DRC3: variants seen among roughly 807,000 people sequenced by gnomAD.
DRC3 encodes the protein leucine rich repeat containing 48.
A neutral mutation model predicts 57.6 loss-of-function variants in DRC3; 45 were observed. That is an observed-to-expected ratio of 0.78 (90% CI 0.62 to 1.00). The LOEUF is 1.00. DRC3 is among the 50% of genes least tolerant of loss of function. DRC3 has a pLI of 0.00. For missense variants in DRC3, 655 were observed against 675.2 expected (o/e 0.97, Z 0.33); for synonymous variants, 257 against 272.3 (o/e 0.94, Z 0.55).
At position 18,004,323 on chromosome 17, in the gene DRC3, C is replaced by T. The variant is rs1369129310; in HGVS notation, c.1000-40C>T. The T allele has an allele frequency of 1.9e-6, 3 of 1,572,326 alleles. No individual in the cohort carries two copies. In the East Asian group the frequency reaches 6.9e-5, roughly 36 times the overall value. ...TGCCACCTGCCATTATCTAATTACA[C>T]TTAGTTGTTGATTCCTAAAGTGCAG... On this transcript the variant is annotated intron_variant, in intron 9 of 13. Coordinates refer to ENST00000399187, the MANE Select transcript of DRC3 (RefSeq NM_031294.4).
chr17:17,994,418 G>C lies in DRC3; in HGVS notation c.711G>C (p.Lys237Asn). The part of the protein sequence containing the change: ...QAQREELEKH[K>N]TAFVEHLNGS... ...AGCGGGAGGAGCTAGAGAAGCACAA[G>C]GTACCGTTCCGGCAGGCTGCACGCC... The change falls in exon 7 of 14, where the codon AAG becomes AAC. Residue 237 changes from lysine to asparagine, a missense_variant and splice_region_variant. Lys to Asn is a moderately conservative substitution (Grantham distance 94). Transcript: ENST00000399187. 1 of 1,551,858 alleles carries C rather than the reference G, an allele frequency of 6.4e-7. No homozygotes were observed. The highest frequency in any genetic ancestry group is 8.7e-7 in the Non-Finnish European group (1 of 1,147,366).
chr17:18,016,202 C>T lies in DRC3; in HGVS notation c.1458+7C>T. 6.2e-7 allele frequency: 1 copy of T among 1,612,784 alleles called. No homozygotes were observed. Among genetic ancestry groups the T allele is most frequent in the Non-Finnish European group, 8.5e-7 (1 of 1,178,914 alleles). On this transcript the variant is annotated splice_region_variant and intron_variant, in intron 13 of 13. Coordinates refer to ENST00000399187, the MANE Select transcript of DRC3 (RefSeq NM_031294.4). ...TACACGTTTAATAGACAGGGTGAGT[C>T]AATCCCAAGCCATCCTAGCAGGCTG... is the stretch of plus-strand genomic sequence containing the variant.
chr17:18,005,162 A>G (rs1302077461), intron 10 of DRC3: 2 of 152,364 alleles, frequency 1.3e-5, no homozygotes, highest in Non-Finnish European at 2.9e-5. Context: ...AGCAGCGCAC[A>G]GTGCCAGGGG....
At chr17:17,987,634 G>A (rs916390519) in intron 4 of DRC3, among the ~76,000 whole-genome samples, 2 of 152,166 alleles carry the variant, frequency 1.3e-5, no homozygotes, top group Non-Finnish European at 2.9e-5. Flanking sequence ...TCAGACCTGC[G>A]GGTTAGTATT....
chr17:17,984,918 C>T (rs911947682), intron 4 of DRC3, among the ~76,000 whole-genome samples: 11 of 152,322 alleles, frequency 7.2e-5, no homozygotes, highest in Non-Finnish European at 1.5e-4. Flanking sequence ...CCATTTCACA[C>T]ATGCAGCAAC....
rs946871536 is a variant in DRC3, at chr17:18,008,592, G to A, written c.1326+1445G>A. On this transcript the variant is annotated intron_variant, in intron 12 of 13. Coordinates refer to ENST00000399187, the MANE Select transcript of DRC3 (RefSeq NM_031294.4). This position sits in a 1 kb window ranked among gnomAD's most constrained non-coding sequence, Gnocchi z 4.3. Reference sequence around the variant, plus strand: ...TAAGTCTTGCAGACACACAGGACCAGCAGTCCCTGACTTCCACAGCCTCTG... The same window carrying A: ...TAAGTCTTGCAGACACACAGGACCAACAGTCCCTGACTTCCACAGCCTCTG... Among the ~76,000 whole-genome samples, 9 of 152,224 alleles carry A rather than the reference G, an allele frequency of 5.9e-5. No individual in the cohort carries two copies. The highest frequency in any genetic ancestry group is 2.2e-4 in the African/African-American group (9 of 41,464).
intron 8 of DRC3, among the ~76,000 whole-genome samples, chr17:17,995,383 G>A (rs1271282643): frequency 6.6e-6 from 1 of 152,202 alleles, no homozygotes; most frequent in Non-Finnish European, 1.5e-5. Flanking sequence ...TTTCAGAGGT[G>A]GAGAAATGGA....
At chr17:18,004,234 C>A in intron 9 of DRC3, 129 bp from the exon 10 acceptor site, 1 of 1,003,288 alleles carries the variant, frequency 1.0e-6, no homozygotes, top group Non-Finnish European at 1.5e-6. Flanking sequence ...CAGCAAATGG[C>A]AAAGCTGAGA....
intron 5 of DRC3, 62 bp from the exon 6 acceptor site, chr17:17,992,703 C>T: frequency 1.3e-6 from 2 of 1,543,408 alleles, no homozygotes; most frequent in Non-Finnish European, 1.8e-6. Flanking sequence ...GAGGGAGGTG[C>T]AGCTGTGTTT....
chr17:18,015,851 C>T (rs1597658169), intron 12 of DRC3: 1 of 531,216 alleles, frequency 1.9e-6, no homozygotes, highest in East Asian at 3.1e-5. Flanking sequence ...TTGGCCCTTT[C>T]CCCACAACAC....
chr17:17,989,985 C>T (rs2043152285), intron 5 of DRC3, among the ~76,000 whole-genome samples: 1 of 152,218 alleles, frequency 6.6e-6, no homozygotes. Context: ...GGGTGCTTAT[C>T]AGCAGAGCTT....
chr17:17,997,693 T>C, intron 9 of DRC3, 59 bp downstream of exon 9: 2 of 1,455,892 alleles, frequency 1.4e-6, no homozygotes, highest in Non-Finnish European at 1.8e-6. Flanking sequence ...TCCCTGCTCT[T>C]GCCACTCCCA....
intron 2 of DRC3, among the ~76,000 whole-genome samples, chr17:17,975,619 C>G (rs1309233520): frequency 6.7e-6 from 1 of 149,310 alleles, no homozygotes; most frequent in African/African-American, 2.5e-5. Context: ...TATGGGAAAC[C>G]GCAGGGGAAG....
intron 5 of DRC3, among the ~76,000 whole-genome samples, chr17:17,990,459 T>C (rs780292319): frequency 6.6e-6 from 1 of 152,234 alleles, no homozygotes; most frequent in Non-Finnish European, 1.5e-5. Flanking sequence ...GCTCAGTGCC[T>C]GGCATGTGCC....
intron 4 of DRC3, among the ~76,000 whole-genome samples, chr17:17,987,214 CAAAAAA>C (rs1046062123): frequency 6.6e-5 from 3 of 45,202 alleles, no homozygotes; most frequent in Admixed American, 5.6e-4. Context: ...GACCCTGTCT[CAAAAAA>C]AAAAAAAAAA....
intron 12 of DRC3, chr17:18,007,380 G>A (rs1353500327): frequency 6.4e-7 from 1 of 1,551,256 alleles, no homozygotes; most frequent in South Asian, 1.2e-5. Flanking sequence ...TAATTAGATG[G>A]TTTCAACTTT....
intron 3 of DRC3, 51 bp from the exon 4 acceptor site, chr17:17,983,777 C>T: frequency 7.3e-7 from 1 of 1,360,636 alleles, no homozygotes; most frequent in Non-Finnish European, 1.0e-6. Context: ...TGTACACTAG[C>T]ACAAAACTCT....
intron 3 of DRC3, chr17:17,981,309 C>T: frequency 3.9e-6 from 1 of 256,784 alleles, no homozygotes; most frequent in Non-Finnish European, 8.6e-6. Flanking sequence ...AGTCCTCCAG[C>T]ACCCTATCCC....
chr17:17,977,554 C>T (rs768004899), intron 2 of DRC3, 28 bp from the exon 3 acceptor site: 7 of 1,612,746 alleles, frequency 4.3e-6, no homozygotes, highest in African/African-American at 1.3e-5. Flanking sequence ...AGAAGCAGGC[C>T]GTGAAGGAAG....
Sources: allele counts gnomAD v4.1 joint callset (sites outside exome capture counted in the v4.1 genomes callset), GRCh38; gene constraint gnomAD v4.1.1; non-coding constraint Gnocchi (gnomAD v3.1); transcripts MANE v1.5; gene names NCBI Gene and HGNC (gene_info 2026-07-23, HGNC 2026-07-21).